The following RAD51B variants were observed in gnomAD, a reference collection of about 807,000 sequenced individuals.
RAD51B encodes the protein DNA repair protein RAD51 homolog 2.
Under a neutral mutation model 42.2 loss-of-function variants are expected in RAD51B, and 38 were observed. The ratio of observed to expected loss-of-function variants is 0.90; its 90% confidence interval spans 0.70 to 1.18. The LOEUF is 1.18. Ranked by LOEUF, RAD51B falls within the 50% of genes most tolerant of loss-of-function variation. RAD51B has a pLI of 0.00. For missense variants in RAD51B, 373 were observed against 400.7 expected (o/e 0.93, Z 0.59); for synonymous variants, 154 against 145.2 (o/e 1.06, Z -0.43).
intron 7 of RAD51B, among the ~76,000 whole-genome samples, chr14:68,135,887 G>C (rs2077998576): frequency 6.6e-6 from 1 of 152,148 alleles, no homozygotes; most frequent in African/African-American, 2.4e-5. Flanking sequence ...CTAAATATGA[G>C]ATTCCAAAGT....
At chr14:68,504,581 C>T (rs1037637497) in intron 10 of RAD51B, among the ~76,000 whole-genome samples, 1 of 150,024 alleles carries the variant, frequency 6.7e-6, no homozygotes, top group Non-Finnish European at 1.5e-5. Flanking sequence ...GTGGACTCTG[C>T]GACTGGGATG....
intron 7 of RAD51B, among the ~76,000 whole-genome samples, chr14:68,194,010 T>A (rs970813737): frequency 2.0e-5 from 3 of 152,154 alleles, no homozygotes; most frequent in Admixed American, 6.5e-5. Context: ...ACAAACAAGC[T>A]AAGAGGGCTG....
chr14:68,319,756 T>C (rs2082124658), intron 8 of RAD51B, among the ~76,000 whole-genome samples: 1 of 152,308 alleles, frequency 6.6e-6, no homozygotes, highest in African/African-American at 2.4e-5. Context: ...CACACCCTTT[T>C]TAATTCTTCT....
intron 7 of RAD51B, among the ~76,000 whole-genome samples, chr14:68,172,887 A>G (rs1278935564): frequency 6.6e-6 from 1 of 152,066 alleles, no homozygotes; most frequent in Non-Finnish European, 1.5e-5. Flanking sequence ...TAGTCTGTGT[A>G]CTCATTTCTG....
chr14:68,583,599 C>T (rs1000054951), intron 10 of RAD51B, among the ~76,000 whole-genome samples: 1 of 152,190 alleles, frequency 6.6e-6, no homozygotes, highest in Non-Finnish European at 1.5e-5. Flanking sequence ...TTGGGGGAGC[C>T]CGCCTGGGCT....
intron 7 of RAD51B, among the ~76,000 whole-genome samples, chr14:68,207,675 A>G (rs2079620704): frequency 6.6e-6 from 1 of 152,190 alleles, no homozygotes; most frequent in African/African-American, 2.4e-5. Flanking sequence ...AGTGAAGTCA[A>G]AGAAGCAGGG....
At chr14:68,143,599 C>CCA (rs2078183878) in intron 7 of RAD51B, among the ~76,000 whole-genome samples, 1 of 152,178 alleles carries the variant, frequency 6.6e-6, no homozygotes, top group African/African-American at 2.4e-5. Flanking sequence ...TCCCCCCATA[C>CCA]CACACACACA....
intron 7 of RAD51B, among the ~76,000 whole-genome samples, chr14:68,022,470 A>G (rs1442954203): frequency 6.6e-6 from 1 of 152,144 alleles, no homozygotes; most frequent in South Asian, 2.1e-4. Context: ...GGATGGGTCA[A>G]ATGGTAGCTC....
At chr14:68,657,740 G>A (rs1373029172) in intron 11 of RAD51B, among the ~76,000 whole-genome samples, 1 of 152,248 alleles carries the variant, frequency 6.6e-6, no homozygotes, top group Admixed American at 6.5e-5. Flanking sequence ...GGATTTGACA[G>A]AGCAGGTCCA....
intron 10 of RAD51B, among the ~76,000 whole-genome samples, chr14:68,646,059 G>A (rs535158428): frequency 7.2e-6 from 1 of 138,070 alleles, no homozygotes; most frequent in African/African-American, 2.7e-5. Flanking sequence ...AAGTTTGCTA[G>A]GCATCTTTTT....
At position 68,528,779 on chromosome 14, in the gene RAD51B, G is replaced by T. The variant is rs182397633; in HGVS notation, c.1036+60529G>T. 3.9e-5 allele frequency among the ~76,000 whole-genome samples: 4 copies of T among 101,520 alleles called. No individual in the cohort carries two copies. The East Asian group carries it at 8.6e-4, about 22-fold the overall frequency. 66.6% of individuals were successfully genotyped at this position (101,520 alleles called of 152,430 possible). On this transcript the variant is annotated intron_variant, in intron 10 of 10. Transcript: ENST00000487270. ...AATGGGTTACTTAATACTTATTCTA[G>T]TATGTCCTGTGAGCATCTGTTGGGT...
chr14:67,942,225 T>C (rs796529064), intron 7 of RAD51B, among the ~76,000 whole-genome samples: 15 of 152,334 alleles, frequency 9.8e-5, no homozygotes, highest in African/African-American at 3.6e-4. Flanking sequence ...TGTGCTTGGA[T>C]GAGACAACTA....
intron 7 of RAD51B, among the ~76,000 whole-genome samples, chr14:68,198,970 C>T (rs960463650): frequency 6.6e-6 from 1 of 152,178 alleles, no homozygotes; most frequent in African/African-American, 2.4e-5. Flanking sequence ...TGCCTGTTGT[C>T]TGCCCTTTGG....
intron 10 of RAD51B, among the ~76,000 whole-genome samples, chr14:68,605,041 G>T (rs1460520765): frequency 6.6e-6 from 1 of 152,192 alleles, no homozygotes; most frequent in South Asian, 2.1e-4. Flanking sequence ...CGGTGCTGCA[G>T]CCTCCCTCGC....
intron 7 of RAD51B, among the ~76,000 whole-genome samples, chr14:68,171,948 C>A (rs1299170824): frequency 6.6e-6 from 1 of 152,078 alleles, no homozygotes; most frequent in Non-Finnish European, 1.5e-5. Context: ...CTCAAGTGAT[C>A]CACCCACCTC....
At chr14:67,873,182 C>T (rs1287961553) in intron 5 of RAD51B, among the ~76,000 whole-genome samples, 5 of 152,088 alleles carry the variant, frequency 3.3e-5, no homozygotes, top group Non-Finnish European at 5.9e-5. Flanking sequence ...ATTTTCGCAA[C>T]CTACTCGTCT....
At chr14:67,902,213 A>G (rs1464192565) in intron 7 of RAD51B, among the ~76,000 whole-genome samples, 1 of 152,110 alleles carries the variant, frequency 6.6e-6, no homozygotes, top group African/African-American at 2.4e-5. Context: ...ATTACTAATA[A>G]TATTAATAGA....
At chr14:68,658,454 G>C (rs1892864710) in intron 11 of RAD51B, among the ~76,000 whole-genome samples, 1 of 152,236 alleles carries the variant, frequency 6.6e-6, no homozygotes. Flanking sequence ...GCAAGTGCCA[G>C]GGCAGCCAAG....
intron 7 of RAD51B, among the ~76,000 whole-genome samples, chr14:68,207,981 C>T (rs1032789937): frequency 2.0e-4 from 31 of 152,014 alleles, no homozygotes; most frequent in African/African-American, 7.5e-4. Flanking sequence ...TTATTTCTAA[C>T]TGCAGGCTAA....
Sources: gnomAD v4.1 joint callset for allele counts (sites outside exome capture counted in the v4.1 genomes callset) on GRCh38, gnomAD v4.1.1 for gene constraint, MANE v1.5 for transcripts, NCBI Gene and HGNC (gene_info 2026-07-23, HGNC 2026-07-21) for gene names.